ACYP1: variants seen among roughly 807,000 people sequenced by gnomAD.
ACYP1 encodes the protein acylphosphatase 1.
In ACYP1, 8 loss-of-function variants were observed where a neutral mutation model predicts 10.4. The ratio of observed to expected loss-of-function variants is 0.77; its 90% confidence interval spans 0.45 to 1.38. The LOEUF is 1.38. Ranked by LOEUF, ACYP1 falls within the 40% of genes most tolerant of loss-of-function variation. The pLI is 0.00. For synonymous variants in ACYP1, 38 were observed against 40.8 expected (o/e 0.93, Z 0.26); for missense variants, 93 against 117.3 (o/e 0.79, Z 0.96).
chr14:75,063,703 C>A (rs1893086942), intron 1 of ACYP1, 142 bp from the exon 2 acceptor site: 2 of 740,458 alleles, frequency 2.7e-6, no homozygotes, highest in Admixed American at 5.3e-5. Flanking sequence ...GAAATGGAAA[C>A]GTGAGTGGAT....
At chr14:75,065,025 T>C (rs887613264), upstream of ACYP1, among the ~76,000 whole-genome samples, 3 of 152,220 alleles carry the variant, frequency 2.0e-5, no homozygotes, top group Non-Finnish European at 4.4e-5. Context: ...AAATAACTCA[T>C]GGCTCCAGAA....
upstream of ACYP1, among the ~76,000 whole-genome samples, chr14:75,069,012 T>A (rs931097101): frequency 6.6e-6 from 1 of 152,268 alleles, no homozygotes; most frequent in Non-Finnish European, 1.5e-5. Flanking sequence ...AACTTTATCA[T>A]CATTACATTT....
At chr14:75,069,377 CTCAGAAAAGTACAAG>C in exon 1 of ACYP1, 2 of 1,078,912 alleles carry the variant, frequency 1.9e-6, no homozygotes, top group Admixed American at 7.3e-5. Flanking sequence ...GAGCGTCGTT[CTCAGAAAAGTACAAG>C]TTCTTCTTTG....
upstream of ACYP1, among the ~76,000 whole-genome samples, chr14:75,068,346 G>A: frequency 6.6e-6 from 1 of 152,108 alleles, no homozygotes; most frequent in Non-Finnish European, 1.5e-5. Context: ...CAACAAAACA[G>A]AAAACAAAAC....
At chr14:75,061,638 A>G (rs2139656102) in intron 2 of ACYP1, 1 of 1,410,504 alleles carries the variant, frequency 7.1e-7, no homozygotes, top group Non-Finnish European at 9.7e-7. Context: ...ACTTTGACTA[A>G]TCTTTGAAGC....
At chr14:75,056,944 C>T (rs907804352) in intron 2 of ACYP1, among the ~76,000 whole-genome samples, 1 of 151,536 alleles carries the variant, frequency 6.6e-6, no homozygotes, top group Admixed American at 6.6e-5. Flanking sequence ...AACGTTCCCA[C>T]GAAGATCAGG....
chr14:75,061,693 T>C, intron 2 of ACYP1: 1 of 1,590,308 alleles, frequency 6.3e-7, no homozygotes, highest in Non-Finnish European at 8.6e-7. Flanking sequence ...CCTGCATAAC[T>C]GGTAGCAAAG....
At chr14:75,067,073 CT>C (rs1278738854), upstream of ACYP1, among the ~76,000 whole-genome samples, 7 of 152,000 alleles carry the variant, frequency 4.6e-5, no homozygotes, top group Non-Finnish European at 4.4e-5. Context: ...AAATTTGAGT[CT>C]GTAACTAATG....
chr14:75,055,789 T>C (rs529872364), intron 2 of ACYP1, among the ~76,000 whole-genome samples: 1 of 151,328 alleles, frequency 6.6e-6, no homozygotes, highest in African/African-American at 2.4e-5. Context: ...AGAGCAGAAA[T>C]TAATGGAAAG....
chr14:75,053,969 G>T (rs554784852), intron 2 of ACYP1, among the ~76,000 whole-genome samples: 1 of 152,224 alleles, frequency 6.6e-6, no homozygotes, highest in East Asian at 1.9e-4. Flanking sequence ...ATCCCCTAAG[G>T]CTGATTGTTT....
intron 2 of ACYP1, among the ~76,000 whole-genome samples, chr14:75,058,937 C>A (rs926381604): frequency 6.6e-6 from 1 of 152,102 alleles, no homozygotes; most frequent in Non-Finnish European, 1.5e-5. Flanking sequence ...CGGTGGCTCA[C>A]GCCTGTAATC....
rs981134254 is a variant in ACYP1 at position 75,053,340 on chromosome 14, A to G, written c.*104T>C. On this transcript the variant is annotated 3_prime_UTR_variant, in exon 3 of 3. Coordinates refer to ENST00000238618, the MANE Select transcript of ACYP1 (RefSeq NM_001107.5). ...TAACATTCAAAAATCTGACATTAAA[A>G]TAACTTATTGACTAATGCTAATATT... 7.5e-5 allele frequency: 78 copies of G among 1,043,048 alleles called. No homozygotes were observed. The highest frequency in any genetic ancestry group is 1.0e-4 in the Non-Finnish European group (73 of 695,472). 64.6% of individuals were successfully genotyped at this position (1,043,048 alleles called of 1,614,324 possible).
At chr14:75,060,773 T>C (rs1354043875) in intron 2 of ACYP1, among the ~76,000 whole-genome samples, 1 of 152,140 alleles carries the variant, frequency 6.6e-6, no homozygotes, top group Non-Finnish European at 1.5e-5. Flanking sequence ...TTATATTAAA[T>C]ATCAAGAATA....
rs899384481 is a variant in ACYP1 at position 75,053,715 on chromosome 14, A to T, written c.85-56T>A. 5 of 1,516,760 alleles carry T rather than the reference A, an allele frequency of 3.3e-6. No homozygotes were observed. The African/African-American group carries it at 6.9e-5, about 21-fold the overall frequency. The allele number at this position is 1,516,760 out of a possible 1,614,324, so 94.0% of individuals were successfully genotyped here. A position where few individuals can be genotyped will look rare whatever the true frequency, so the allele number is the denominator to read the frequency against. On this transcript the variant is annotated intron_variant, in intron 2 of 2. Coordinates refer to ENST00000238618, the MANE Select transcript of ACYP1 (RefSeq NM_001107.5). ...GTGAGATTGAAGAAAACAAGGTAAG[A>T]CTACAATCTGTTGCCAGAATCTTGG...
chr14:75,067,182 TAC>T (rs60274425), upstream of ACYP1, among the ~76,000 whole-genome samples: 3,053 of 147,254 alleles, frequency 0.021, 62 homozygotes, highest in African/African-American at 0.053. Flanking sequence ...TGTCTGGAAC[TAC>T]ACACACACAC....
intron 2 of ACYP1, 127 bp downstream of exon 2, chr14:75,063,343 C>A (rs780505791): frequency 6.9e-6 from 5 of 728,718 alleles, no homozygotes; most frequent in Admixed American, 6.5e-5. Flanking sequence ...CATTGCTCTA[C>A]AAACTACCTC....
intron 2 of ACYP1, chr14:75,060,355 G>A: frequency 3.5e-6 from 2 of 567,494 alleles, no homozygotes; most frequent in Non-Finnish European, 6.3e-6. Flanking sequence ...GCAAGGATGT[G>A]GACAAACTGG....
At chr14:75,068,787 A>G (rs181993718), upstream of ACYP1, among the ~76,000 whole-genome samples, 219 of 152,246 alleles carry the variant, frequency 1.4e-3, no homozygotes, top group Admixed American at 2.2e-3. Flanking sequence ...GTAATATGAC[A>G]TGTTGAAGTA....
intron 2 of ACYP1, among the ~76,000 whole-genome samples, chr14:75,062,478 T>G (rs371493910): frequency 1.6e-4 from 25 of 151,834 alleles, no homozygotes; most frequent in African/African-American, 5.6e-4. Context: ...GGTTAGAATT[T>G]GAATTTTAAG....
Sources: gnomAD v4.1 joint callset for allele counts (sites outside exome capture counted in the v4.1 genomes callset) on GRCh38, gnomAD v4.1.1 for gene constraint, MANE v1.5 for transcripts, NCBI Gene and HGNC (gene_info 2026-07-23, HGNC 2026-07-21) for gene names.